Variants in CNTN1 observed in about 807,000 individuals in gnomAD.
CNTN1 encodes contactin-1.
CNTN1 carries 38 observed loss-of-function variants against 126.4 expected under a neutral mutation model. The ratio of observed to expected loss-of-function variants is 0.30; its 90% CI spans 0.23 to 0.39. The LOEUF (loss-of-function observed/expected upper bound fraction) is 0.39, where lower values mean the gene tolerates loss of function less well. Among genes scored for constraint, CNTN1 ranks in the 10% least tolerant of loss-of-function variants. The pLI, the probability that CNTN1 is intolerant of heterozygous loss-of-function variation, is 1.00. For synonymous variants in CNTN1, 413 were observed against 422.6 expected, an observed-to-expected ratio of 0.98 and a Z score of 0.28; for missense variants, 1,009 against 1,248.4, an observed-to-expected ratio of 0.81 and a Z score of 2.89.
chr12:40,914,090 C>A (rs964059491), intron 3 of CNTN1, among the ~76,000 whole-genome samples: 13 of 152,030 alleles, frequency 8.6e-5, no homozygotes. Flanking sequence ...TTTAAAAACA[C>A]AATCTCTATC....
intron 21 of CNTN1, among the ~76,000 whole-genome samples, chr12:41,025,905 A>G (rs1227665417): frequency 6.6e-6 from 1 of 152,182 alleles, no homozygotes; most frequent in African/African-American, 2.4e-5. Flanking sequence ...CCCAAGTGGA[A>G]TAAGTAAAAA....
chr12:40,929,139 A>C (rs916216471), intron 6 of CNTN1, among the ~76,000 whole-genome samples: 1 of 152,088 alleles, frequency 6.6e-6, no homozygotes, highest in Admixed American at 6.6e-5. Flanking sequence ...CAGCAAATTA[A>C]GGAGGAAATT....
chr12:41,006,832 A>G (rs1423584196), intron 17 of CNTN1, among the ~76,000 whole-genome samples: 1 of 152,108 alleles, frequency 6.6e-6, no homozygotes, highest in African/African-American at 2.4e-5. Context: ...AGAAACATGG[A>G]CTTCATCCAG....
At chr12:41,049,214 C>T (rs767147042) in intron 23 of CNTN1, among the ~76,000 whole-genome samples, 10 of 152,200 alleles carry the variant, frequency 6.6e-5, no homozygotes, top group Non-Finnish European at 1.5e-4. Context: ...GTCAGTAATT[C>T]TTTTCCTCTT....
In CNTN1 at chr12:40,908,567, G is replaced by A. The variant is rs78150049; in HGVS notation, c.61+74G>A. ...GATATGCGTGTTTATTAAATGTATT[G>A]TATGAAGTAAAAATTCTTATTTTCT... On this transcript the variant is annotated intron_variant, in intron 2 of 23. Transcript: ENST00000551295. 3,198 of 1,117,940 alleles carry A rather than the reference G, an allele frequency of 2.9e-3. 62 individuals carry two copies. In the African/African-American group the frequency reaches 0.044, roughly 15 times the overall value. The allele number at this position is 1,117,940 out of a possible 1,614,324, so 69.3% of individuals were successfully genotyped here. A position where few individuals can be genotyped will look rare whatever the true frequency, so the allele number is the denominator to read the frequency against.
At chr12:40,917,063 G>GGGT (rs1555179741) in intron 3 of CNTN1, among the ~76,000 whole-genome samples, 29,636 of 65,392 alleles carry the variant, frequency 0.45, 4,896 homozygotes, top group African/African-American at 0.61. Flanking sequence ...GGTGGGGGCG[G>GGGT]GGGGGGGGGC....
intron 1 of CNTN1, among the ~76,000 whole-genome samples, chr12:40,791,092 C>T (rs1031987439): frequency 9.9e-5 from 15 of 152,062 alleles, no homozygotes; most frequent in African/African-American, 3.6e-4. Context: ...TTTCCGTTAG[C>T]GTTAATAACT....
intron 1 of CNTN1, among the ~76,000 whole-genome samples, chr12:40,814,871 G>T (rs542295611): frequency 6.6e-6 from 1 of 151,826 alleles, no homozygotes; most frequent in East Asian, 1.9e-4. Flanking sequence ...CTTTTATTTC[G>T]TTGAGCAGCA....
At chr12:41,059,018 C>G (rs1949885460) in intron 23 of CNTN1, among the ~76,000 whole-genome samples, 1 of 150,162 alleles carries the variant, frequency 6.7e-6, no homozygotes, top group East Asian at 1.9e-4. Context: ...AGAGAGACAC[C>G]AATTAATCCT....
At chr12:40,797,298 T>C (rs1001268314) in intron 1 of CNTN1, among the ~76,000 whole-genome samples, 29 of 152,094 alleles carry the variant, frequency 1.9e-4, no homozygotes, top group Admixed American at 1.4e-3. Context: ...ACCTAACCTA[T>C]CCTGCAAGGA....
chr12:40,939,993 C>A (rs1445782836), intron 12 of CNTN1, among the ~76,000 whole-genome samples: 1 of 152,078 alleles, frequency 6.6e-6, no homozygotes, highest in East Asian at 1.9e-4. Flanking sequence ...GGACCATCTA[C>A]CAATGTTTTG....
intron 1 of CNTN1, among the ~76,000 whole-genome samples, chr12:40,736,860 C>T (rs1437389197): frequency 1.3e-5 from 2 of 151,950 alleles, no homozygotes; most frequent in African/African-American, 4.8e-5. Context: ...AATCAGGACG[C>T]TGATGGTGAA....
At chr12:40,756,895 T>A (rs1427676542) in intron 1 of CNTN1, among the ~76,000 whole-genome samples, 2 of 152,148 alleles carry the variant, frequency 1.3e-5, no homozygotes, top group African/African-American at 4.8e-5. Context: ...GAAAACAGTT[T>A]TGCTAGTCTT....
At chr12:40,966,151 T>C (rs1352985467) in intron 15 of CNTN1, among the ~76,000 whole-genome samples, 1 of 151,994 alleles carries the variant, frequency 6.6e-6, no homozygotes, top group African/African-American at 2.4e-5. Flanking sequence ...TTTTCAAGTA[T>C]TTGGGGCAGA....
chr12:40,837,438 C>G (rs536670918), intron 1 of CNTN1, among the ~76,000 whole-genome samples: 3 of 152,154 alleles, frequency 2.0e-5, no homozygotes, highest in African/African-American at 7.2e-5. Context: ...TGGAATTATG[C>G]AGTCCTGACT....
At position 40,888,173 on chromosome 12, in the gene CNTN1, TAA is replaced by T. The variant is rs1019308553; in HGVS notation, c.-76-20182_-76-20181del. 3.3e-5 allele frequency among the ~76,000 whole-genome samples: 5 copies of T among 152,026 alleles called. No homozygotes were observed. In the East Asian group the frequency reaches 5.8e-4, roughly 18 times the overall value. On this transcript the variant is annotated intron_variant, in intron 1 of 23. Transcript: ENST00000551295. ...GAAACTTAAAGTATAATAATAATAA[TAA>T]AGAGTCTTTTATCCTAATTTATAGT...
At chr12:40,928,543 C>T (rs908214646) in intron 6 of CNTN1, among the ~76,000 whole-genome samples, 1 of 152,008 alleles carries the variant, frequency 6.6e-6, no homozygotes, top group African/African-American at 2.4e-5. Flanking sequence ...GTCTAATTTT[C>T]TGCCTCTTTT....
chr12:40,773,857 A>G (rs1939472786), intron 1 of CNTN1, among the ~76,000 whole-genome samples: 1 of 151,378 alleles, frequency 6.6e-6, no homozygotes, highest in African/African-American at 2.4e-5. Context: ...TTTACATTAT[A>G]TATAATTGTT....
intron 19 of CNTN1, among the ~76,000 whole-genome samples, chr12:41,018,752 A>G (rs887657211): frequency 3.3e-5 from 5 of 151,990 alleles, no homozygotes; most frequent in South Asian, 4.1e-4. Flanking sequence ...AAGTTAGCAC[A>G]ACCAAATATG....
Sources: allele counts gnomAD v4.1 joint callset (sites outside exome capture counted in the v4.1 genomes callset), GRCh38; gene constraint gnomAD v4.1.1; transcripts MANE v1.5; gene names NCBI Gene and HGNC (gene_info 2026-07-23, HGNC 2026-07-21).